The following HS6ST2 variants were observed in gnomAD, a reference collection of about 807,000 sequenced individuals.
HS6ST2 encodes heparan-sulfate 6-O-sulfotransferase 2.
A neutral mutation model predicts 33.0 loss-of-function variants in HS6ST2; 17 were observed. That is an observed-to-expected ratio of 0.52 (90% confidence interval 0.35 to 0.77). HS6ST2 has a LOEUF of 0.77. HS6ST2 is among the 30% of genes least tolerant of loss of function. The pLI is 0.01. For synonymous variants in HS6ST2, 248 were observed against 237.1 expected (o/e 1.05, Z -0.42); for missense variants, 519 against 551.7 (o/e 0.94, Z 0.59).
chrX:132,763,949 G>A (rs1411156887), intron 2 of HS6ST2, among the ~76,000 whole-genome samples: 2 of 112,672 alleles, frequency 1.8e-5, no homozygotes, highest in Non-Finnish European at 3.7e-5. Flanking sequence ...TGAAGCATAA[G>A]CTGTGCAAGA....
At chrX:132,942,565 T>A (rs1220276037) in intron 2 of HS6ST2, among the ~76,000 whole-genome samples, 1 of 112,197 alleles carries the variant, frequency 8.9e-6, no homozygotes, top group African/African-American at 3.2e-5. Flanking sequence ...ATTCTTATTA[T>A]CTTCATGATG....
At chrX:132,763,415 C>T (rs894083532) in intron 2 of HS6ST2, among the ~76,000 whole-genome samples, 3 of 112,356 alleles carry the variant, frequency 2.7e-5, no homozygotes, top group African/African-American at 9.7e-5. Context: ...TTATGTTTAG[C>T]TCATAAATAC....
chrX:132,669,508 TAA>T (rs11348383), intron 3 of HS6ST2: 19 of 157,933 alleles, frequency 1.2e-4, no homozygotes, highest in East Asian at 2.5e-4. Flanking sequence ...CCTCTAGTTT[TAA>T]AAAAAAAAGT....
rs888868310 is a variant in HS6ST2 at position 132,664,252 on chromosome X, G to A, written c.1067+4861C>T. Among the ~76,000 whole-genome samples the A allele has an allele frequency of 4.5e-5, 5 of 111,627 alleles. No individual in the cohort carries two copies. In the South Asian group the frequency reaches 1.1e-3, roughly 25 times the overall value. On this transcript the variant is annotated intron_variant, in intron 4 of 4. Transcript: ENST00000370833. Reference sequence around the variant, plus strand: ...TCTTGATCTCCTGACCTCATGGTCCGCCCACCTCGGCCTCCCAAAGTGCTG... The same window carrying A: ...TCTTGATCTCCTGACCTCATGGTCCACCCACCTCGGCCTCCCAAAGTGCTG...
Position 132,888,427 on chromosome X carries a change from G to A in HS6ST2, c.947+68381C>T, listed in dbSNP as rs183414152. 1.3e-4 allele frequency among the ~76,000 whole-genome samples: 14 copies of A among 111,746 alleles called. No homozygotes were observed. The East Asian group carries it at 4.0e-3, about 32-fold the overall frequency. On this transcript the variant is annotated intron_variant, in intron 2 of 4. Transcript: ENST00000370833. ...CAGCACAAGAAATACCCGCCCCCAT[G>A]ATTCAATTATCTCCCACCAGGTCCC... is the stretch of plus-strand genomic sequence containing the variant.
intron 2 of HS6ST2, among the ~76,000 whole-genome samples, chrX:132,754,629 G>A (rs919435514): frequency 4.6e-5 from 5 of 109,387 alleles, no homozygotes; most frequent in African/African-American, 1.7e-4. Flanking sequence ...ATGTTAGCCA[G>A]GATGGTCTTG....
chrX:132,807,500 G>A (rs1221120906), intron 2 of HS6ST2, among the ~76,000 whole-genome samples: 1 of 104,195 alleles, frequency 9.6e-6, no homozygotes, highest in African/African-American at 3.3e-5. Context: ...AGGGGAGGAG[G>A]AGGAAGTGGA....
chrX:132,679,752 T>TGG (rs1338768098), intron 3 of HS6ST2, among the ~76,000 whole-genome samples: 19 of 105,209 alleles, frequency 1.8e-4, no homozygotes, highest in African/African-American at 6.2e-4. Flanking sequence ...CAACCACGCC[T>TGG]GGGGGGGGGC....
intron 2 of HS6ST2, among the ~76,000 whole-genome samples, chrX:132,784,467 G>A (rs1349701576): frequency 2.7e-5 from 3 of 110,974 alleles, no homozygotes; most frequent in African/African-American, 3.3e-5. Context: ...ACGCCACCAC[G>A]CCTGGCTAGT....
intron 2 of HS6ST2, among the ~76,000 whole-genome samples, chrX:132,771,215 GCAAA>G (rs770211357): frequency 2.7e-5 from 3 of 112,370 alleles, no homozygotes; most frequent in South Asian, 3.7e-4. Context: ...ATGAATGCAA[GCAAA>G]CAAACAGTGT....
At chrX:132,816,298 T>C (rs2065394414) in intron 2 of HS6ST2, among the ~76,000 whole-genome samples, 1 of 112,051 alleles carries the variant, frequency 8.9e-6, no homozygotes, top group Non-Finnish European at 1.9e-5. Context: ...CCTTTTGAAT[T>C]AATAGGGGCT....
chrX:132,769,499 A>G (rs1302343046), intron 2 of HS6ST2, among the ~76,000 whole-genome samples: 4 of 111,911 alleles, frequency 3.6e-5, no homozygotes, highest in Non-Finnish European at 7.5e-5. Context: ...GTGTTCATCA[A>G]TTGCATTTCA....
chrX:132,793,779 G>A (rs1037837278), intron 2 of HS6ST2, among the ~76,000 whole-genome samples: 1 of 112,391 alleles, frequency 8.9e-6, no homozygotes, highest in South Asian at 3.7e-4. Context: ...TGTAAAGGAA[G>A]GAGCCTGAGA....
At chrX:132,936,741 T>C (rs1242221281) in intron 2 of HS6ST2, among the ~76,000 whole-genome samples, 1 of 111,055 alleles carries the variant, frequency 9.0e-6, no homozygotes, top group African/African-American at 3.3e-5. Flanking sequence ...GAAAAACTAC[T>C]TGTCAGATAC....
At chrX:132,652,570 A>C (rs2148183904) in intron 4 of HS6ST2, among the ~76,000 whole-genome samples, 1 of 111,865 alleles carries the variant, frequency 8.9e-6, no homozygotes, top group Non-Finnish European at 1.9e-5. Flanking sequence ...TTGAGGTGAA[A>C]GTATGCCAAA....
intron 2 of HS6ST2, among the ~76,000 whole-genome samples, chrX:132,913,124 A>C (rs1399831233): frequency 9.0e-6 from 1 of 111,097 alleles, no homozygotes; most frequent in African/African-American, 3.3e-5. Context: ...GAGAGCTGCC[A>C]TGCAATAAAA....
At chrX:132,675,412 G>C in intron 3 of HS6ST2, among the ~76,000 whole-genome samples, 1 of 112,036 alleles carries the variant, frequency 8.9e-6, no homozygotes, top group Non-Finnish European at 1.9e-5. Context: ...TTGTATGCCA[G>C]AGGTCCAAGT....
At chrX:132,783,503 C>T (rs1249306114) in intron 2 of HS6ST2, among the ~76,000 whole-genome samples, 1 of 111,522 alleles carries the variant, frequency 9.0e-6, no homozygotes, top group Non-Finnish European at 1.9e-5. Flanking sequence ...TCGCCACCAT[C>T]TGAAGCAGCT....
intron 2 of HS6ST2, among the ~76,000 whole-genome samples, chrX:132,799,123 G>A (rs2065212069): frequency 1.8e-5 from 2 of 111,235 alleles, no homozygotes; most frequent in African/African-American, 6.5e-5. Flanking sequence ...CAAGAGGTGA[G>A]TTTCTAGGCT....
Sources: gnomAD v4.1 joint callset for allele counts (sites outside exome capture counted in the v4.1 genomes callset) on GRCh38, gnomAD v4.1.1 for gene constraint, MANE v1.5 for transcripts, NCBI Gene and HGNC (gene_info 2026-07-23, HGNC 2026-07-21) for gene names.